DNAH2: variants seen among roughly 807,000 people sequenced by gnomAD.
DNAH2 encodes the protein axonemal beta dynein heavy chain 2.
Under a neutral mutation model 523.5 loss-of-function variants are expected in DNAH2, and 323 were observed. The observed-to-expected ratio is 0.62, with a 90% CI of 0.56 to 0.68. The LOEUF is 0.68. Ranked by LOEUF, DNAH2 falls within the 30% of genes least tolerant of loss-of-function variation. DNAH2 has a pLI of 0.00. For synonymous variants in DNAH2, 2,093 were observed against 2,177.4 expected (o/e 0.96, Z 1.08); for missense variants, 4,907 against 5,701.5 (o/e 0.86, Z 4.49).
chr17:7,815,997 C>T (rs1444073741), intron 63 of DNAH2, among the ~76,000 whole-genome samples: 1 of 152,116 alleles, frequency 6.6e-6, no homozygotes, highest in Non-Finnish European at 1.5e-5. Flanking sequence ...GGCGGGGTCT[C>T]ACCATGTCGC....
rs905004528 is a variant in DNAH2, at chr17:7,788,250, G to A, written c.6900+6G>A. 5.7e-6 allele frequency: 9 copies of A among 1,572,444 alleles called. No individual in the cohort carries two copies. The East Asian group carries it at 2.1e-4, about 36-fold the overall frequency. ...TGGCCACGCCAGAGAATGGGGTAAG[G>A]GGAGGACACAGACCACGGGCAGGGG... On this transcript the variant is annotated splice_donor_region_variant and intron_variant, in intron 44 of 85. Transcript: ENST00000572933.
rs1479592073 is a variant in DNAH2 at position 7,719,878 on chromosome 17, T to C, written c.144T>C (p.Ala48=). 1 of 1,574,148 alleles carries C rather than the reference T, an allele frequency of 6.4e-7. No homozygotes were observed. The highest frequency in any genetic ancestry group is 1.3e-5 in the African/African-American group (1 of 74,148). Residue 48 remains alanine, a synonymous_variant, in exon 2 of 86, where the codon GCT becomes GCC. Coordinates refer to ENST00000572933, the MANE Select transcript of DNAH2 (RefSeq NM_020877.5). ...APAVSEPELQ[A]ELPKEEPEPR... ...CTGTCAGTGAGCCAGAGCTGCAGGC[T>C]GAGCTCCCCAAGGAGGAGCCTGGTG...
chr17:7,818,694 C>T lies in DNAH2; in HGVS notation c.10588C>T (p.Leu3530=), dbSNP rs1211967341. ...GIVVRKERPE[L]EEQKDSLVIN... is the part of the protein sequence containing the mutation. Reference sequence around the variant, plus strand: ...TGTGGTGCGGAAGGAGCGGCCTGAGCTGGAGGAGCAGAAGGACTCACTGGT... The same window carrying T: ...TGTGGTGCGGAAGGAGCGGCCTGAGTTGGAGGAGCAGAAGGACTCACTGGT... The change falls in exon 70 of 86, where the codon CTG becomes TTG. Residue 3530 remains leucine, a synonymous_variant. Transcript: ENST00000572933. 5 of 1,614,054 alleles carry T rather than the reference C, an allele frequency of 3.1e-6. No homozygotes were observed. In the African/African-American group the frequency reaches 6.7e-5, roughly 22 times the overall value.
At chr17:7,827,620 A>AT (rs1443620155) in intron 77 of DNAH2, among the ~76,000 whole-genome samples, 2 of 151,690 alleles carry the variant, frequency 1.3e-5, no homozygotes, top group African/African-American at 4.9e-5. Flanking sequence ...TAATTTTGTT[A>AT]TTTTTTGTAG....
At chr17:7,822,604 G>A (rs375176389) in intron 73 of DNAH2, among the ~76,000 whole-genome samples, 7 of 151,226 alleles carry the variant, frequency 4.6e-5, no homozygotes, top group African/African-American at 1.5e-4. Flanking sequence ...TGCCGTCTTT[G>A]CTATACTAGA....
In DNAH2 at chr17:7,721,011, T is replaced by C. The variant is rs1176384644; in HGVS notation, c.166+1111T>C. ...GCTTTCTTTTCTTTCTTTCTTTTTTTTTTTTTTTTTTTTTTGAGACAAATT... is the reference window on the plus strand; with the variant it reads ...GCTTTCTTTTCTTTCTTTCTTTTTTCTTTTTTTTTTTTTTTGAGACAAATT... On this transcript the variant is annotated intron_variant, in intron 2 of 85. Coordinates refer to ENST00000572933, the MANE Select transcript of DNAH2 (RefSeq NM_020877.5). Among the ~76,000 whole-genome samples the C allele has an allele frequency of 5.7e-5, 8 of 140,082 alleles. No individual in the cohort carries two copies. The East Asian group carries it at 6.0e-4, about 10-fold the overall frequency. The allele number at this position is 140,082 out of a possible 152,430, so 91.9% of individuals were successfully genotyped here. A position where few individuals can be genotyped will look rare whatever the true frequency, so the allele number is the denominator to read the frequency against.
At chr17:7,755,063 G>C (rs2151186548) in intron 12 of DNAH2, 1 of 273,790 alleles carries the variant, frequency 3.7e-6, no homozygotes, top group Middle Eastern at 1.1e-3. Context: ...TTGTAGCGTG[G>C]AAACAGGTAA....
chr17:7,816,779 C>G, intron 64 of DNAH2, 44 bp downstream of exon 64: 1 of 1,599,112 alleles, frequency 6.3e-7, no homozygotes, highest in Non-Finnish European at 8.5e-7. Flanking sequence ...CTCTGCTCGC[C>G]ACTTCCGAGA....
In DNAH2 at chr17:7,786,299, C is replaced by T; in HGVS notation, c.6305C>T (p.Ser2102Phe). ...ASWRILQASL[S>F]SLCRAGDPNF... ...TGGCGCATTCTACAGGCCTCCCTGT[C>T]CTCTCTGTGCCGCGCCGGAGACCCT... The change falls in exon 40 of 86, where the codon TCC (serine) becomes TTC (phenylalanine). Residue 2102 changes from serine (S) to phenylalanine (F), a missense_variant. This residue lies in a region of DNAH2 where 2,806 missense variants were observed against 3,190.8 expected (regional missense o/e 0.88). Transcript: ENST00000572933. This position sits in a 1 kb window ranked among gnomAD's most constrained non-coding sequence, Gnocchi z 7.5. The T allele has an allele frequency of 1.2e-6, 2 of 1,613,892 alleles. No homozygotes were observed. The highest frequency in any genetic ancestry group is 1.7e-6 in the Non-Finnish European group (2 of 1,180,018).
At chr17:7,771,507 C>A in intron 28 of DNAH2, 39 bp downstream of exon 28, 1 of 1,610,810 alleles carries the variant, frequency 6.2e-7, no homozygotes, top group Non-Finnish European at 8.5e-7. Flanking sequence ...ACAGCCTCGG[C>A]AGGCACTCTG....
In DNAH2 at chr17:7,792,672, G is replaced by A; in HGVS notation, c.7161G>A (p.Lys2387=). ...WRYPPNAPFY[K]IMVPTVDTVR... Reference sequence around the variant, plus strand: ...TCTTCCCTAGCGCCCCCTTCTATAAGATCATGGTGCCCACCGTCGACACTG... The same window carrying A: ...TCTTCCCTAGCGCCCCCTTCTATAAAATCATGGTGCCCACCGTCGACACTG... Residue 2387 remains lysine (K), a synonymous_variant, in exon 47 of 86, where the codon AAG becomes AAA. Transcript: ENST00000572933. 6.2e-7 allele frequency: 1 copy of A among 1,614,030 alleles called. No individual in the cohort carries two copies. The highest frequency in any genetic ancestry group is 8.5e-7 in the Non-Finnish European group (1 of 1,179,978).
Position 7,819,331 on chromosome 17 carries a change from T to C in DNAH2, c.10938T>C (p.Ile3646=). ...DAYISLFILS[I]DKSHRSNKLE... ...ACATCAGCCTCTTTATTCTCAGCAT[T>C]GACAAAAGCCACCGCAGCAATAAGC... The change falls in exon 72 of 86, where the codon ATT becomes ATC. Residue 3646 remains isoleucine (I), a synonymous_variant. Transcript: ENST00000572933. The C allele has an allele frequency of 6.2e-7, 1 of 1,614,216 alleles. No individual in the cohort carries two copies.
At position 7,833,098 on chromosome 17, in the gene DNAH2, C is replaced by G; in HGVS notation, c.13006C>G (p.Leu4336Val). The change falls in exon 85 of 86, where the codon CTG becomes GTG. Residue 4336 changes from leucine to valine, a missense_variant. Physicochemically the swap from Leu to Val is conservative, Grantham distance 32 (BLOSUM62 1). Transcript: ENST00000572933. ...TGGTGTCTGGGTCCGGGGCCTGTACCTGGAAGGTGCTGGCTGGGACCGGAA... is the reference window on the plus strand; with the variant it reads ...TGGTGTCTGGGTCCGGGGCCTGTACGTGGAAGGTGCTGGCTGGGACCGGAA... ...KDGVWVRGLY[L>V]EGAGWDRKNS... 1 of 1,613,292 alleles carries G rather than the reference C, an allele frequency of 6.2e-7. No individual in the cohort carries two copies. The highest frequency in any genetic ancestry group is 8.5e-7 in the Non-Finnish European group (1 of 1,180,016).
intron 44 of DNAH2, among the ~76,000 whole-genome samples, chr17:7,791,382 AT>A (rs1312558190): frequency 6.6e-6 from 1 of 152,014 alleles, no homozygotes; most frequent in Middle Eastern, 3.4e-3. Flanking sequence ...AAAATGTGGT[AT>A]TTTTTTTTAA....
In DNAH2 at chr17:7,767,937, G is replaced by C. The variant is rs193265262; in HGVS notation, c.3713G>C (p.Arg1238Pro). 6.2e-7 allele frequency: 1 copy of C among 1,613,942 alleles called. No homozygotes were observed. The highest frequency in any genetic ancestry group is 1.3e-5 in the African/African-American group (1 of 74,906). Residue 1238 changes from arginine (R) to proline (P), a missense_variant, in exon 23 of 86, where the codon CGA becomes CCA. Coordinates refer to ENST00000572933, the MANE Select transcript of DNAH2 (RefSeq NM_020877.5). ...CTCCAGCAAATCTGGGAGATCGCAC[G>C]AGACTGGGAGGAGAACTGGAATGAG... Reference protein sequence around the residue: ...DALQQIWEIARDWEENWNEWK... With the variant: ...DALQQIWEIAPDWEENWNEWK...
chr17:7,744,000 A>G (rs763082169), intron 12 of DNAH2: 1 of 152,212 alleles, frequency 6.6e-6, no homozygotes, highest in Non-Finnish European at 1.5e-5. Context: ...TTTCTAAGTC[A>G]ACAGCTCTAC....
intron 46 of DNAH2, 109 bp downstream of exon 46, chr17:7,792,452 G>T (rs2076925228): frequency 8.2e-7 from 1 of 1,222,846 alleles, no homozygotes. Flanking sequence ...AGGAGAAGGT[G>T]GGTCCCAGAG....
intron 18 of DNAH2, among the ~76,000 whole-genome samples, chr17:7,761,514 T>A (rs553844746): frequency 2.4e-3 from 366 of 152,006 alleles, no homozygotes; most frequent in African/African-American, 8.4e-3. Flanking sequence ...TTTCAAATAT[T>A]TTTTTTTGAG....
At chr17:7,775,157 A>G in intron 29 of DNAH2, 84 bp from the exon 30 acceptor site, 1 of 1,414,196 alleles carries the variant, frequency 7.1e-7, no homozygotes, top group Non-Finnish European at 9.8e-7. Context: ...GAGGAGCAGT[A>G]ATTATCCTCA....
Sources: gnomAD v4.1 joint callset for allele counts (sites outside exome capture counted in the v4.1 genomes callset) on GRCh38, gnomAD v4.1.1 for gene constraint, gnomAD v4.1.1 regional missense constraint, Gnocchi (gnomAD v3.1) non-coding constraint, MANE v1.5 for transcripts, NCBI Gene and HGNC (gene_info 2026-07-23, HGNC 2026-07-21) for gene names.